Variants in PIEZO2 observed in about 807,000 individuals in gnomAD.
PIEZO2 encodes piezo type mechanosensitive ion channel component 2, also known as piezo-type mechanosensitive ion channel component 2.
In PIEZO2, 172 loss-of-function variants were observed where a neutral mutation model predicts 337.3. The ratio of observed to expected loss-of-function variants is 0.51; its 90% confidence interval spans 0.45 to 0.58. The LOEUF is 0.58. Ranked by LOEUF, PIEZO2 falls within the 20% of genes least tolerant of loss-of-function variation. The probability of loss-of-function intolerance (pLI) is 0.00; values close to 1 mark genes in which losing one functional copy is unlikely to be tolerated. For missense variants in PIEZO2, 3,028 were observed against 3,391.3 expected (o/e 0.89, Z 2.66); for synonymous variants, 1,251 against 1,228.5 (o/e 1.02, Z -0.38).
At chr18:11,062,971 T>C (rs2038021082) in intron 2 of PIEZO2, among the ~76,000 whole-genome samples, 1 of 152,186 alleles carries the variant, frequency 6.6e-6, no homozygotes, top group Non-Finnish European at 1.5e-5. Context: ...GTATGTTTAC[T>C]GCGGCATTAT....
chr18:11,073,937 C>T (rs1325055564), intron 1 of PIEZO2, among the ~76,000 whole-genome samples: 7 of 151,630 alleles, frequency 4.6e-5, no homozygotes, highest in Non-Finnish European at 1.0e-4. Flanking sequence ...ACCTCCACCT[C>T]TTGGGTTCAA....
chr18:10,903,970 T>A lies in PIEZO2; in HGVS notation c.329+7216A>T, dbSNP rs1598658729. 6.6e-6 allele frequency among the ~76,000 whole-genome samples: 1 copy of A among 152,206 alleles called. No individual in the cohort carries two copies. Among genetic ancestry groups the A allele is most frequent in the East Asian group, 1.9e-4 (1 of 5,206 alleles). ...TTCTGTAATATAGATATCATTAGAA[T>A]AGCACCTGGTACACAGCAGCAGCAG... On this transcript the variant is annotated intron_variant, in intron 4 of 55. Transcript: ENST00000674853. The surrounding 1 kb of genome is among the most constrained non-coding windows in gnomAD (Gnocchi z 4.1).
intron 2 of PIEZO2, among the ~76,000 whole-genome samples, chr18:11,042,201 G>A (rs977913067): frequency 3.3e-5 from 5 of 152,110 alleles, no homozygotes; most frequent in South Asian, 4.2e-4. Context: ...TAAGAAATCC[G>A]CCTGTAAAGA....
In PIEZO2 at chr18:11,146,258, C is replaced by T. The variant is rs1357973584; in HGVS notation, c.64+2267G>A. On this transcript the variant is annotated intron_variant, in intron 1 of 55. Coordinates refer to ENST00000674853, the MANE Select transcript of PIEZO2 (RefSeq NM_001378183.1). This position sits in a 1 kb window ranked among gnomAD's most constrained non-coding sequence, Gnocchi z 6.1. ...GTTGGCCAAGGTTATTATCTTGTCG[C>T]CCCTGGAAGCCGAGCTCCTCCCAGA... Among the ~76,000 whole-genome samples the T allele has an allele frequency of 1.3e-5, 2 of 152,152 alleles. No homozygotes were observed.
intron 1 of PIEZO2, among the ~76,000 whole-genome samples, chr18:11,075,861 T>C (rs1465181515): frequency 6.7e-6 from 1 of 148,370 alleles, no homozygotes; most frequent in African/African-American, 2.5e-5. Flanking sequence ...CGATCTCCGC[T>C]CACTGCAAGC....
intron 47 of PIEZO2, among the ~76,000 whole-genome samples, chr18:10,692,249 C>T (rs2034880605): frequency 6.6e-6 from 1 of 152,086 alleles, no homozygotes; most frequent in South Asian, 2.1e-4. Flanking sequence ...CCACTTTAAA[C>T]TTTGGATAAA....
At chr18:10,949,951 A>G (rs1262871695) in intron 3 of PIEZO2, among the ~76,000 whole-genome samples, 2 of 152,220 alleles carry the variant, frequency 1.3e-5, no homozygotes, top group Non-Finnish European at 2.9e-5. Context: ...CATTTCAAAT[A>G]CTTCACCAAA....
chr18:10,754,939 C>A (rs1230357749), intron 27 of PIEZO2, among the ~76,000 whole-genome samples: 2 of 152,124 alleles, frequency 1.3e-5, no homozygotes, highest in African/African-American at 2.4e-5. Flanking sequence ...AACCGCATGA[C>A]CTCCTTGGGC....
chr18:11,019,626 T>C (rs918334432), intron 2 of PIEZO2, among the ~76,000 whole-genome samples: 4 of 152,198 alleles, frequency 2.6e-5, no homozygotes, highest in Non-Finnish European at 5.9e-5. Flanking sequence ...GGCCCCACTC[T>C]GGGCCCCCTT....
chr18:11,060,044 T>G (rs1268267293), intron 2 of PIEZO2, among the ~76,000 whole-genome samples: 1 of 151,902 alleles, frequency 6.6e-6, no homozygotes, highest in Non-Finnish European at 1.5e-5. Context: ...GAACAGAAAT[T>G]ATAAGAAACT....
intron 4 of PIEZO2, among the ~76,000 whole-genome samples, chr18:10,907,439 G>T (rs1165038377): frequency 1.5e-5 from 2 of 131,944 alleles, no homozygotes; most frequent in African/African-American, 5.5e-5. Context: ...GCAAGACTCT[G>T]TCTCAAAAAA....
intron 33 of PIEZO2, chr18:10,740,784 A>G (rs2074362080): frequency 1.6e-6 from 1 of 643,530 alleles, no homozygotes; most frequent in Admixed American, 2.3e-5. Context: ...TAGAGTCTAT[A>G]AGCCACGTGT....
rs2146077606 is a variant in PIEZO2, at chr18:11,097,726, A to G, written c.65-31504T>C. On this transcript the variant is annotated intron_variant, in intron 1 of 55. Transcript: ENST00000674853. This position sits in a 1 kb window ranked among gnomAD's most constrained non-coding sequence, Gnocchi z 5.0. ...GTATGAACACTTGATTAGCCATTAGAAAGATTACTTTGTAATGAAATGTAT... is the reference window on the plus strand; with the variant it reads ...GTATGAACACTTGATTAGCCATTAGGAAGATTACTTTGTAATGAAATGTAT... Among the ~76,000 whole-genome samples the G allele has an allele frequency of 6.6e-6, 1 of 152,368 alleles. No homozygotes were observed. The highest frequency in any genetic ancestry group is 1.5e-5 in the Non-Finnish European group (1 of 68,034).
chr18:11,116,824 T>C lies in PIEZO2; in HGVS notation c.64+31701A>G, dbSNP rs771852809. ...TAGTTAACAATAATTTATTGTGTAT[T>C]TCAGCCAGGCACGGTGGCTCACACC... On this transcript the variant is annotated intron_variant, in intron 1 of 55. Transcript: ENST00000674853. This position sits in a 1 kb window ranked among gnomAD's most constrained non-coding sequence, Gnocchi z 5.0. Among the ~76,000 whole-genome samples, 4 of 150,936 alleles carry C rather than the reference T, an allele frequency of 2.7e-5. No individual in the cohort carries two copies. The highest frequency in any genetic ancestry group is 2.6e-4 in the Admixed American group (4 of 15,172).
intron 13 of PIEZO2, among the ~76,000 whole-genome samples, chr18:10,793,421 C>A (rs894405131): frequency 1.3e-5 from 2 of 151,926 alleles, no homozygotes; most frequent in African/African-American, 4.8e-5. Flanking sequence ...TCTTTTTTTC[C>A]ACGAGTAACA....
chr18:10,884,426 T>C (rs1283502777), intron 4 of PIEZO2, among the ~76,000 whole-genome samples: 4 of 152,204 alleles, frequency 2.6e-5, no homozygotes. Context: ...CTAGTTATTC[T>C]TATAGCTTAT....
chr18:10,949,621 G>C (rs1014277246), intron 3 of PIEZO2, among the ~76,000 whole-genome samples: 1 of 152,244 alleles, frequency 6.6e-6, no homozygotes, highest in Admixed American at 6.5e-5. Flanking sequence ...GAAGTGCATT[G>C]AATTGGTTGT....
At chr18:10,777,149 C>T (rs2038819909) in intron 18 of PIEZO2, among the ~76,000 whole-genome samples, 1 of 152,164 alleles carries the variant, frequency 6.6e-6, no homozygotes. Flanking sequence ...AAGTGCATTT[C>T]TTCTCTTAGG....
chr18:11,108,775 C>T (rs1273233051), intron 1 of PIEZO2, among the ~76,000 whole-genome samples: 1 of 152,020 alleles, frequency 6.6e-6, no homozygotes, highest in African/African-American at 2.4e-5. Context: ...GGGAAATGCT[C>T]GTGCCACAGC....
Sources: allele counts gnomAD v4.1 joint callset (sites outside exome capture counted in the v4.1 genomes callset), GRCh38; gene constraint gnomAD v4.1.1; non-coding constraint Gnocchi (gnomAD v3.1); transcripts MANE v1.5; gene names NCBI Gene and HGNC (gene_info 2026-07-23, HGNC 2026-07-21).